The following CDH18 variants were observed in gnomAD, a reference collection of about 807,000 sequenced individuals.
CDH18 encodes the protein cadherin 18.
A neutral mutation model predicts 67.9 loss-of-function variants in CDH18; 31 were observed. The ratio of observed to expected loss-of-function variants is 0.46; its 90% CI spans 0.34 to 0.62. The LOEUF is 0.62. CDH18 is among the 20% of genes least tolerant of loss of function. The pLI, the probability that CDH18 is intolerant of heterozygous loss-of-function variation, is 0.01. For synonymous variants in CDH18, 362 were observed against 347.2 expected, an observed-to-expected ratio of 1.04 and a Z score of -0.48; for missense variants, 890 against 975.5, an observed-to-expected ratio of 0.91 and a Z score of 1.17.
At chr5:20,203,875 T>C (rs970400514) in intron 2 of CDH18, among the ~76,000 whole-genome samples, 3 of 151,624 alleles carry the variant, frequency 2.0e-5, no homozygotes, top group African/African-American at 4.8e-5. Flanking sequence ...AAAATCACAG[T>C]AGACAAGAGT....
chr5:19,616,563 T>A (rs350668), intron 5 of CDH18, among the ~76,000 whole-genome samples: 10 of 152,018 alleles, frequency 6.6e-5, no homozygotes, highest in Admixed American at 3.9e-4. Context: ...TAGAATATTG[T>A]TATTGGTTTT....
intron 1 of CDH18, among the ~76,000 whole-genome samples, chr5:20,426,690 C>T (rs1253017376): frequency 1.3e-5 from 2 of 151,054 alleles, no homozygotes; most frequent in Non-Finnish European, 2.9e-5. Flanking sequence ...TACATGATTG[C>T]TTCAACTCCC....
chr5:19,496,620 C>A (rs191714799), intron 11 of CDH18, among the ~76,000 whole-genome samples: 1 of 152,164 alleles, frequency 6.6e-6, no homozygotes, highest in Non-Finnish European at 1.5e-5. Context: ...CAAGACCAGT[C>A]TGGCCAACAT....
intron 2 of CDH18, among the ~76,000 whole-genome samples, chr5:19,948,183 T>C (rs1465132540): frequency 6.6e-6 from 1 of 152,170 alleles, no homozygotes; most frequent in Non-Finnish European, 1.5e-5. Flanking sequence ...AAACAAGACA[T>C]CCACTCCTTA....
intron 2 of CDH18, among the ~76,000 whole-genome samples, chr5:20,084,369 C>T (rs1331785427): frequency 1.3e-5 from 2 of 152,190 alleles, no homozygotes; most frequent in Non-Finnish European, 2.9e-5. Flanking sequence ...CAGCTCCACC[C>T]CTGTGGTTTT....
At chr5:19,507,871 G>A (rs571537694) in intron 10 of CDH18, among the ~76,000 whole-genome samples, 31 of 151,990 alleles carry the variant, frequency 2.0e-4, no homozygotes, top group Non-Finnish European at 3.7e-4. Flanking sequence ...CAACCTGCAC[G>A]TTGTGCACAT....
chr5:19,875,289 C>A (rs1255678303), intron 2 of CDH18, among the ~76,000 whole-genome samples: 4 of 152,198 alleles, frequency 2.6e-5, no homozygotes, highest in Non-Finnish European at 2.9e-5. Context: ...AAGTCAGCAA[C>A]TGAGAGAGAA....
chr5:20,490,261 T>G (rs1392624265), intron 1 of CDH18, among the ~76,000 whole-genome samples: 1 of 152,084 alleles, frequency 6.6e-6, no homozygotes, highest in African/African-American at 2.4e-5. Context: ...GTGTCATTTT[T>G]AGAGACTGTA....
At chr5:19,846,286 C>CACTTTT (rs1310071360) in intron 2 of CDH18, among the ~76,000 whole-genome samples, 1 of 152,028 alleles carries the variant, frequency 6.6e-6, no homozygotes, top group East Asian at 1.9e-4. Flanking sequence ...AAAAACTCTA[C>CACTTTT]ACTTTTACTT....
intron 6 of CDH18, among the ~76,000 whole-genome samples, chr5:19,599,018 A>T (rs961822471): frequency 1.3e-5 from 2 of 152,176 alleles, no homozygotes; most frequent in African/African-American, 4.8e-5. Flanking sequence ...TTGTTTTATC[A>T]CTAAAATAAT....
At chr5:19,977,686 C>A (rs544489950) in intron 2 of CDH18, among the ~76,000 whole-genome samples, 3 of 148,946 alleles carry the variant, frequency 2.0e-5, no homozygotes, top group Admixed American at 6.8e-5. Flanking sequence ...TTGCCTTAAT[C>A]CATTCTTTTA....
chr5:20,233,319 A>G (rs938458104), intron 2 of CDH18, among the ~76,000 whole-genome samples: 1 of 151,616 alleles, frequency 6.6e-6, no homozygotes, highest in Non-Finnish European at 1.5e-5. Flanking sequence ...AACGCTTTGT[A>G]TCTTACACTG....
At chr5:19,658,749 C>T (rs1756754977) in intron 5 of CDH18, among the ~76,000 whole-genome samples, 1 of 151,434 alleles carries the variant, frequency 6.6e-6, no homozygotes, top group African/African-American at 2.4e-5. Context: ...TGTGCTGCAC[C>T]CATTAACTCA....
chr5:20,512,246 C>T (rs151072271), intron 1 of CDH18, among the ~76,000 whole-genome samples: 3 of 151,952 alleles, frequency 2.0e-5, no homozygotes, highest in Middle Eastern at 3.4e-3. Flanking sequence ...AATAAATGCT[C>T]GCTATTTTGT....
intron 2 of CDH18, among the ~76,000 whole-genome samples, chr5:19,918,204 G>C (rs1005239402): frequency 1.3e-5 from 2 of 152,096 alleles, no homozygotes; most frequent in Admixed American, 1.3e-4. Flanking sequence ...CTTCATCTCT[G>C]ACTTTAAATA....
At chr5:20,268,250 A>G (rs960619360) in intron 1 of CDH18, among the ~76,000 whole-genome samples, 9 of 152,198 alleles carry the variant, frequency 5.9e-5, no homozygotes, top group South Asian at 2.1e-4. Flanking sequence ...TAGTGCTGCA[A>G]TGAACATATG....
chr5:19,998,757 T>C (rs887083049), intron 2 of CDH18, among the ~76,000 whole-genome samples: 3 of 151,954 alleles, frequency 2.0e-5, no homozygotes, highest in Non-Finnish European at 4.4e-5. Context: ...GAGTTTAGGG[T>C]CACAAAATTA....
At chr5:20,234,163 A>G (rs775229939) in intron 2 of CDH18, among the ~76,000 whole-genome samples, 3 of 152,196 alleles carry the variant, frequency 2.0e-5, no homozygotes, top group African/African-American at 4.8e-5. Context: ...CCATAGATGC[A>G]TAAGTGTGAC....
chr5:20,227,029 T>C (rs112353576), intron 2 of CDH18, among the ~76,000 whole-genome samples: 296 of 152,222 alleles, frequency 1.9e-3, no homozygotes, highest in African/African-American at 6.9e-3. Flanking sequence ...ATTTTCTCCA[T>C]ACACAATAGC....
Sources: allele counts gnomAD v4.1 joint callset (sites outside exome capture counted in the v4.1 genomes callset), GRCh38; gene constraint gnomAD v4.1.1; transcripts MANE v1.5; gene names NCBI Gene and HGNC (gene_info 2026-07-23, HGNC 2026-07-21).